Variants in IQGAP2 observed in about 807,000 individuals in gnomAD.
IQGAP2 encodes IQ motif containing GTPase activating protein 2, also known as ras GTPase-activating-like protein IQGAP2.
IQGAP2 carries 173 observed loss-of-function variants against 201.3 expected under a neutral mutation model. The observed-to-expected ratio is 0.86, with a 90% CI of 0.76 to 0.98. The LOEUF is 0.98. Among genes scored for constraint, IQGAP2 ranks in the 50% least tolerant of loss-of-function variants. The pLI is 0.00. For synonymous variants in IQGAP2, 675 were observed against 673.9 expected (o/e 1.00, Z -0.03); for missense variants, 1,687 against 1,864.8 (o/e 0.90, Z 1.76).
rs35544895 is a variant in IQGAP2, at chr5:76,640,948, G to C, written c.1939G>C (p.Val647Leu). The C allele has an allele frequency of 1.5e-3, 2,317 of 1,588,816 alleles. 28 individuals are homozygous for C. The African/African-American group carries it at 0.028, about 19-fold the overall frequency. Residue 647 changes from valine to leucine, a missense_variant, in exon 17 of 36, where the codon GTC becomes CTC. Coordinates refer to ENST00000274364, the MANE Select transcript of IQGAP2 (RefSeq NM_006633.5). ...CTCTTGCCAGGACATTATTGAGGAA[G>C]TCACAGTAGGTTACATTCGTGAGAA... is the stretch of plus-strand genomic sequence containing the variant. ...GKEIEDIIEE[V>L]TVGYIRENIW...
chr5:76,551,532 G>C (rs531736899), intron 2 of IQGAP2, among the ~76,000 whole-genome samples: 1 of 152,016 alleles, frequency 6.6e-6, no homozygotes, highest in African/African-American at 2.4e-5. Flanking sequence ...GTAGCGAGCC[G>C]AGATCACGTC....
chr5:76,429,579 A>ATTT (rs1221460328), intron 1 of IQGAP2, among the ~76,000 whole-genome samples: 9 of 122,400 alleles, frequency 7.4e-5, no homozygotes, highest in African/African-American at 2.7e-4. Flanking sequence ...CTCAAAAAAA[A>ATTT]ATTTATATAT....
At position 76,592,866 on chromosome 5, in the gene IQGAP2, A is replaced by G; in HGVS notation, c.848A>G (p.Asp283Gly). 2 of 1,611,874 alleles carry G rather than the reference A, an allele frequency of 1.2e-6. No homozygotes were observed. ...KNSCISEEER[D>G]AYEELLTQAE... is the part of the protein sequence containing the mutation. The stretch of plus-strand genomic sequence containing the variant: ...AGCTGTATTTCAGAAGAAGAAAGAG[A>G]TGCTTATGAAGAACTGCTGACACAA... Residue 283 changes from aspartate (D) to glycine (G), a missense_variant, in exon 9 of 36, where the codon GAT (aspartate) becomes GGT (glycine). Transcript: ENST00000274364.
At chr5:76,430,517 G>A (rs992629798) in intron 1 of IQGAP2, among the ~76,000 whole-genome samples, 1 of 152,180 alleles carries the variant, frequency 6.6e-6, no homozygotes, top group African/African-American at 2.4e-5. Context: ...CAGAACAAAT[G>A]TTCCAAGAGA....
intron 21 of IQGAP2, among the ~76,000 whole-genome samples, chr5:76,662,128 C>T (rs975656007): frequency 6.6e-6 from 1 of 152,234 alleles, no homozygotes; most frequent in African/African-American, 2.4e-5. Flanking sequence ...AACCTCCATT[C>T]ACACAAGCAC....
At chr5:76,690,410 G>T (rs1369762631) in intron 30 of IQGAP2, among the ~76,000 whole-genome samples, 1 of 152,192 alleles carries the variant, frequency 6.6e-6, no homozygotes, top group Non-Finnish European at 1.5e-5. Flanking sequence ...CTTGTTTCCT[G>T]CAGCTCTAGT....
intron 8 of IQGAP2, among the ~76,000 whole-genome samples, chr5:76,590,934 ATAAAAAT>A (rs1380483059): frequency 6.6e-6 from 1 of 152,022 alleles, no homozygotes; most frequent in Admixed American, 6.6e-5. Flanking sequence ...GAAAATAAAA[ATAAAAAT>A]AAAAAATTAG....
chr5:76,631,747 G>A lies in IQGAP2; in HGVS notation c.1613-112G>A, dbSNP rs1435523557. 1.1e-5 allele frequency: 8 copies of A among 721,566 alleles called. No homozygotes were observed. In the East Asian group the frequency reaches 2.3e-4, roughly 21 times the overall value. The allele number at this position is 721,566 out of a possible 1,614,324, so 44.7% of individuals were successfully genotyped here. A position where few individuals can be genotyped will look rare whatever the true frequency, so the allele number is the denominator to read the frequency against. On this transcript the variant is annotated intron_variant, in intron 14 of 35. Transcript: ENST00000274364. ...GCATATGTGGTAAATATTCTCAAAG[G>A]GTAAAAATGTTTGATACTAATGCAT...
rs3822530 is a variant in IQGAP2 at position 76,611,098 on chromosome 5, C to A, written c.1436C>A (p.Pro479His). Residue 479 changes from proline (P) to histidine (H), a missense_variant, in exon 13 of 36, where the codon CCT becomes CAT. Coordinates refer to ENST00000274364, the MANE Select transcript of IQGAP2 (RefSeq NM_006633.5). ...PLRTLETLLL[P>H]TANISDVDPA... ...AGGACTTTAGAAACTTTGCTCCTAC[C>A]TACTGCGAATATTAGTGATGTGGAC... The A allele has an allele frequency of 3.2e-3, 5,130 of 1,613,806 alleles. 54 individuals carry two copies. In the East Asian group the frequency reaches 0.036, roughly 11 times the overall value.
At chr5:76,430,566 G>A (rs988126207) in intron 1 of IQGAP2, among the ~76,000 whole-genome samples, 1 of 152,146 alleles carries the variant, frequency 6.6e-6, no homozygotes, top group African/African-American at 2.4e-5. Context: ...ACTTAGCTTT[G>A]GAAGTCAGAT....
chr5:76,679,656 T>G (rs1745113563), intron 28 of IQGAP2, among the ~76,000 whole-genome samples: 1 of 152,218 alleles, frequency 6.6e-6, no homozygotes, highest in South Asian at 2.1e-4. Flanking sequence ...CCAAATCAGT[T>G]GCCCTGGCTC....
chr5:76,626,296 CAG>C (rs1750233826), intron 13 of IQGAP2, among the ~76,000 whole-genome samples: 2 of 59,576 alleles, frequency 3.4e-5, no homozygotes, highest in Non-Finnish European at 6.1e-5. Context: ...TTTTGTGAGA[CAG>C]AGTCTCACTC....
At chr5:76,700,857 C>T (rs578220734) in intron 33 of IQGAP2, among the ~76,000 whole-genome samples, 5 of 152,300 alleles carry the variant, frequency 3.3e-5, no homozygotes, top group African/African-American at 1.2e-4. Flanking sequence ...GTAATGCAAA[C>T]TTCAGTCACT....
intron 12 of IQGAP2, chr5:76,608,971 A>G (rs1748035292): frequency 2.2e-6 from 2 of 891,428 alleles, no homozygotes; most frequent in Non-Finnish European, 3.4e-6. Context: ...GGCTGAGTGA[A>G]GCTCAGCAAT....
intron 2 of IQGAP2, among the ~76,000 whole-genome samples, chr5:76,499,420 TC>T (rs1400317620): frequency 1.3e-5 from 2 of 152,160 alleles, no homozygotes; most frequent in Non-Finnish European, 2.9e-5. Flanking sequence ...AAATCTCCTT[TC>T]CCCATTCAGA....
chr5:76,587,134 G>C (rs1014361411), intron 5 of IQGAP2, among the ~76,000 whole-genome samples: 11 of 152,122 alleles, frequency 7.2e-5, no homozygotes, highest in African/African-American at 2.7e-4. Context: ...GACAGTATAG[G>C]TTCCTAAGAG....
At chr5:76,548,467 G>T (rs754749303) in intron 2 of IQGAP2, among the ~76,000 whole-genome samples, 6 of 152,248 alleles carry the variant, frequency 3.9e-5, no homozygotes, top group Non-Finnish European at 7.3e-5. Context: ...TTCTGCTTAA[G>T]AAGAGAGCAT....
chr5:76,619,580 G>A (rs373305890), intron 13 of IQGAP2, among the ~76,000 whole-genome samples: 218 of 142,968 alleles, frequency 1.5e-3, no homozygotes, highest in African/African-American at 5.5e-3. Flanking sequence ...GCAGTGGCAC[G>A]ATCTCAGCTC....
chr5:76,576,666 G>T (rs1745493611), intron 5 of IQGAP2, among the ~76,000 whole-genome samples: 1 of 152,146 alleles, frequency 6.6e-6, no homozygotes, highest in Non-Finnish European at 1.5e-5. Context: ...ATTCATGGTG[G>T]TGTTGGCTTT....
Sources: gnomAD v4.1 joint callset for allele counts (sites outside exome capture counted in the v4.1 genomes callset) on GRCh38, gnomAD v4.1.1 for gene constraint, MANE v1.5 for transcripts, NCBI Gene and HGNC (gene_info 2026-07-23, HGNC 2026-07-21) for gene names.